CADM2: variants seen among roughly 807,000 people sequenced by gnomAD.
CADM2 encodes the protein cell adhesion molecule 2, also known as immunoglobulin superfamily member 4D.
In CADM2, 12 loss-of-function variants were observed where a neutral mutation model predicts 49.8. The ratio of observed to expected loss-of-function variants is 0.24; its 90% CI spans 0.15 to 0.39. The LOEUF (loss-of-function observed/expected upper bound fraction) is 0.39, where lower values mean the gene tolerates loss of function less well. Among genes scored for constraint, CADM2 ranks in the 10% least tolerant of loss-of-function variants. The pLI is 1.00. For synonymous variants in CADM2, 214 were observed against 175.4 expected, an observed-to-expected ratio of 1.22 and a Z score of -1.74; for missense variants, 378 against 492.3, an observed-to-expected ratio of 0.77 and a Z score of 2.20.
chr3:85,593,796 T>A (rs2063172637), intron 1 of CADM2, among the ~76,000 whole-genome samples: 1 of 152,024 alleles, frequency 6.6e-6, no homozygotes, highest in Admixed American at 6.6e-5. Flanking sequence ...AAAATTTATG[T>A]TATCTGTTAA....
chr3:85,897,362 C>CG (rs1715381135), intron 5 of CADM2, among the ~76,000 whole-genome samples: 1 of 143,840 alleles, frequency 7.0e-6, no homozygotes, highest in Non-Finnish European at 1.5e-5. Flanking sequence ...CTCCGCTTCC[C>CG]GGGTTCACGC....
intron 1 of CADM2, among the ~76,000 whole-genome samples, chr3:85,500,337 T>G (rs1052369996): frequency 6.6e-6 from 1 of 152,144 alleles, no homozygotes; most frequent in Non-Finnish European, 1.5e-5. Flanking sequence ...AGTTTAAAAA[T>G]GCATATGTTT....
At chr3:85,817,762 G>C (rs904771699) in intron 3 of CADM2, among the ~76,000 whole-genome samples, 9 of 151,960 alleles carry the variant, frequency 5.9e-5, no homozygotes, top group African/African-American at 2.2e-4. Flanking sequence ...GCAGTGAGCC[G>C]AGACTGCACC....
chr3:85,777,301 G>C (rs939500965), intron 2 of CADM2, among the ~76,000 whole-genome samples: 12 of 150,274 alleles, frequency 8.0e-5, no homozygotes, highest in Non-Finnish European at 1.8e-4. Context: ...TGTTGCCCAG[G>C]CTGGAGTGTC....
intron 3 of CADM2, among the ~76,000 whole-genome samples, chr3:85,880,754 A>G (rs982173656): frequency 1.3e-5 from 2 of 152,160 alleles, no homozygotes; most frequent in Non-Finnish European, 2.9e-5. Flanking sequence ...TTCACAGTAG[A>G]GTTCACTCTC....
At chr3:85,996,022 A>G (rs890309106) in intron 8 of CADM2, among the ~76,000 whole-genome samples, 12 of 151,612 alleles carry the variant, frequency 7.9e-5, no homozygotes, top group Non-Finnish European at 1.5e-4. Context: ...CCCAGGAGGC[A>G]GAGCTTTCAG....
chr3:85,894,328 C>A (rs942505922), intron 5 of CADM2, among the ~76,000 whole-genome samples: 6 of 152,020 alleles, frequency 3.9e-5, no homozygotes, highest in African/African-American at 1.4e-4. Flanking sequence ...AGGGGAACAT[C>A]CACACCGGGA....
intron 1 of CADM2, among the ~76,000 whole-genome samples, chr3:85,475,311 G>A (rs1344265736): frequency 1.3e-5 from 2 of 151,858 alleles, no homozygotes; most frequent in Middle Eastern, 3.2e-3. Context: ...TGGCTAGTGT[G>A]GGCCTGGCCT....
chr3:85,849,501 T>C (rs2075010024), intron 3 of CADM2, among the ~76,000 whole-genome samples: 1 of 152,210 alleles, frequency 6.6e-6, no homozygotes, highest in Non-Finnish European at 1.5e-5. Flanking sequence ...AAAATACTTC[T>C]AGCTTCAGAA....
At chr3:85,427,623 T>TAATGTAAC (rs1175897726) in intron 1 of CADM2, among the ~76,000 whole-genome samples, 1 of 152,110 alleles carries the variant, frequency 6.6e-6, no homozygotes, top group East Asian at 1.9e-4. Flanking sequence ...CCTTCAATTG[T>TAATGTAAC]AATGTAACAG....
At chr3:84,962,195 A>G (rs2030593949) in intron 1 of CADM2, among the ~76,000 whole-genome samples, 1 of 151,822 alleles carries the variant, frequency 6.6e-6, no homozygotes, top group African/African-American at 2.4e-5. Flanking sequence ...GGGAAAGAGC[A>G]CAAGTCCATC....
intron 6 of CADM2, among the ~76,000 whole-genome samples, chr3:85,925,423 C>T (rs1196802682): frequency 1.3e-5 from 2 of 151,948 alleles, no homozygotes; most frequent in Admixed American, 6.6e-5. Context: ...AGAAAAGTAC[C>T]GGATAATTTT....
intron 5 of CADM2, among the ~76,000 whole-genome samples, chr3:85,902,060 G>T (rs1017347255): frequency 9.9e-5 from 15 of 151,788 alleles, no homozygotes; most frequent in African/African-American, 3.4e-4. Flanking sequence ...TTATGCTTTG[G>T]GGCTTTTATT....
Position 85,237,188 on chromosome 3 carries a change from A to G in CADM2, c.61+277520A>G, listed in dbSNP as rs866589238. Among the ~76,000 whole-genome samples the G allele has an allele frequency of 4.6e-5, 7 of 152,144 alleles. No homozygotes were observed. In the South Asian group the frequency reaches 1.0e-3, roughly 22 times the overall value. ...TCAGAGTTAAAGCATTAACTACTCA[A>G]TGAGACAGATAATAGGAGGGACAGA... is the stretch of plus-strand genomic sequence containing the variant. On this transcript the variant is annotated intron_variant, in intron 1 of 9. Transcript: ENST00000383699.
chr3:85,742,168 T>G (rs2068417915), intron 2 of CADM2, among the ~76,000 whole-genome samples: 1 of 152,248 alleles, frequency 6.6e-6, no homozygotes, highest in South Asian at 2.1e-4. Flanking sequence ...TTTATTTTCC[T>G]CTTTAGAGGC....
chr3:85,557,392 A>G (rs2061986500), intron 1 of CADM2, among the ~76,000 whole-genome samples: 1 of 151,784 alleles, frequency 6.6e-6, no homozygotes, highest in South Asian at 2.1e-4. Context: ...GAAACAGTAG[A>G]CTCAATTTTT....
At chr3:85,219,879 A>C (rs1272227841) in intron 1 of CADM2, among the ~76,000 whole-genome samples, 1 of 152,176 alleles carries the variant, frequency 6.6e-6, no homozygotes, top group Non-Finnish European at 1.5e-5. Flanking sequence ...TTCATAATAC[A>C]ACTGCATACA....
intron 3 of CADM2, among the ~76,000 whole-genome samples, chr3:85,854,803 A>C (rs1227016001): frequency 1.3e-5 from 2 of 152,076 alleles, no homozygotes; most frequent in Non-Finnish European, 2.9e-5. Flanking sequence ...AAACCACACA[A>C]AAAAATAATG....
chr3:86,029,348 T>G (rs767696630), intron 8 of CADM2, among the ~76,000 whole-genome samples: 2 of 152,050 alleles, frequency 1.3e-5, no homozygotes, highest in Non-Finnish European at 2.9e-5. Flanking sequence ...AATAAGAATC[T>G]GTCTTAGACT....
Sources: gnomAD v4.1 joint callset for allele counts (sites outside exome capture counted in the v4.1 genomes callset) on GRCh38, gnomAD v4.1.1 for gene constraint, MANE v1.5 for transcripts, NCBI Gene and HGNC (gene_info 2026-07-23, HGNC 2026-07-21) for gene names.